Variants in ZBTB8A observed in about 807,000 individuals in gnomAD.
The protein encoded by ZBTB8A is zinc finger and BTB domain containing 8A.
ZBTB8A carries 19 observed loss-of-function variants against 37.8 expected under a neutral mutation model. The observed-to-expected ratio is 0.50, with a 90% CI of 0.35 to 0.74. The LOEUF (loss-of-function observed/expected upper bound fraction) is 0.74. ZBTB8A is among the 30% of genes least tolerant of loss of function. The pLI is 0.01. For synonymous variants in ZBTB8A, 181 were observed against 185.2 expected (o/e 0.98, Z 0.19); for missense variants, 394 against 537.8 (o/e 0.73, Z 2.65).
chr1:32,550,802 C>G (rs1281566838), intron 1 of ZBTB8A, among the ~76,000 whole-genome samples: 1 of 151,636 alleles, frequency 6.6e-6, no homozygotes, highest in Non-Finnish European at 1.5e-5. Flanking sequence ...ACTAAAAATA[C>G]AAAAATTAGG....
chr1:32,565,721 T>C (rs547988411), intron 2 of ZBTB8A, among the ~76,000 whole-genome samples: 1 of 152,282 alleles, frequency 6.6e-6, no homozygotes, highest in Non-Finnish European at 1.5e-5. Flanking sequence ...TTCCCTTTAG[T>C]CCTATATTTT....
chr1:32,560,903 G>A (rs1385919851), intron 2 of ZBTB8A, among the ~76,000 whole-genome samples: 2 of 151,994 alleles, frequency 1.3e-5, no homozygotes, highest in Non-Finnish European at 2.9e-5. Flanking sequence ...TGGGATTACA[G>A]GCATGAGCCA....
At position 32,600,291 on chromosome 1, in the gene ZBTB8A, C is replaced by A. The variant is rs771174263; in HGVS notation, c.1198C>A (p.His400Asn). 1.2e-6 allele frequency: 2 copies of A among 1,614,002 alleles called. No homozygotes were observed. The highest frequency in any genetic ancestry group is 2.7e-5 in the African/African-American group (2 of 74,914). Residue 400 changes from histidine to asparagine, a missense_variant, in exon 5 of 5, where the codon CAC (histidine) becomes AAC (asparagine). Around this residue, in one of 4 missense-constraint regions of ZBTB8A, gnomAD observed 85 missense variants for 89.0 expected, o/e 0.95. Coordinates refer to ENST00000373510, the MANE Select transcript of ZBTB8A (RefSeq NM_001040441.3). ...PSDGDKDSRW[H>N]LSEDENRSYV... ...AGATGGAGATAAGGATTCCAGATGG[C>A]ACTTGAGTGAAGATGAGAATAGATC...
In ZBTB8A at chr1:32,600,570, C is replaced by G. The variant is rs1371980193; in HGVS notation, c.*151C>G. 4 of 632,930 alleles carry G rather than the reference C, an allele frequency of 6.3e-6. No individual in the cohort carries two copies. The highest frequency in any genetic ancestry group is 1.8e-5 in the African/African-American group (1 of 54,450). 39.2% of individuals were successfully genotyped at this position (632,930 alleles called of 1,614,324 possible). A position where few individuals can be genotyped will look rare whatever the true frequency, so the allele number is the denominator to read the frequency against. On this transcript the variant is annotated 3_prime_UTR_variant, in exon 5 of 5. Coordinates refer to ENST00000373510, the MANE Select transcript of ZBTB8A (RefSeq NM_001040441.3). The stretch of plus-strand genomic sequence containing the variant: ...TAACTTGCATGCTTTCTGAACAGGC[C>G]ATTGTATCCATTCTGAACTTTGTTG...
chr1:32,555,057 G>A (rs1334180751), intron 2 of ZBTB8A, among the ~76,000 whole-genome samples: 13 of 152,174 alleles, frequency 8.5e-5, no homozygotes, highest in Non-Finnish European at 1.9e-4. Flanking sequence ...TGGCGTCACT[G>A]TCTGGGTTAA....
At chr1:32,573,738 C>CTTTTTTTTTTTTTTTTTT (rs753573244) in intron 2 of ZBTB8A, among the ~76,000 whole-genome samples, 1 of 95,030 alleles carries the variant, frequency 1.1e-5, no homozygotes, top group African/African-American at 4.2e-5. Flanking sequence ...CCAGCTAAAA[C>CTTTTTTTTTTTTTTTTTT]TTTTTTTTTT....
intron 2 of ZBTB8A, among the ~76,000 whole-genome samples, chr1:32,576,328 TC>T (rs1315488977): frequency 6.6e-6 from 1 of 152,232 alleles, no homozygotes; most frequent in Non-Finnish European, 1.5e-5. Flanking sequence ...TTTCTGTTTT[TC>T]CCTTTTTCTT....
intron 1 of ZBTB8A, among the ~76,000 whole-genome samples, chr1:32,552,358 T>A (rs533450978): frequency 3.9e-4 from 60 of 151,988 alleles, no homozygotes; most frequent in African/African-American, 1.4e-3. Context: ...AGTGAGACTG[T>A]CTCAAAAAAT....
intron 2 of ZBTB8A, among the ~76,000 whole-genome samples, chr1:32,554,124 C>T (rs1169766320): frequency 8.8e-5 from 13 of 147,442 alleles, no homozygotes; most frequent in Admixed American, 1.4e-4. Flanking sequence ...CACTTCAATC[C>T]GGGCAGCGGA....
At chr1:32,564,815 C>A (rs2148227510) in intron 2 of ZBTB8A, among the ~76,000 whole-genome samples, 1 of 152,118 alleles carries the variant, frequency 6.6e-6, no homozygotes, top group African/African-American at 2.4e-5. Context: ...TGTAGTATAT[C>A]ATTTAACTGC....
At chr1:32,580,086 C>A (rs1644391779) in intron 2 of ZBTB8A, among the ~76,000 whole-genome samples, 1 of 152,064 alleles carries the variant, frequency 6.6e-6, no homozygotes, top group Non-Finnish European at 1.5e-5. Context: ...GGAGGCCGGG[C>A]ATGGTGGCTC....
In ZBTB8A at chr1:32,595,033, A is replaced by G. The variant is rs1356884789; in HGVS notation, c.824-21A>G. ...ATTGTTATGAACTTTCCAGTGATTTAATCAAAGCGTCTCTTGACAGATGAT... is the reference window on the plus strand; with the variant it reads ...ATTGTTATGAACTTTCCAGTGATTTGATCAAAGCGTCTCTTGACAGATGAT... On this transcript the variant is annotated intron_variant, in intron 3 of 4. Coordinates refer to ENST00000373510, the MANE Select transcript of ZBTB8A (RefSeq NM_001040441.3). 4 of 1,601,258 alleles carry G rather than the reference A, an allele frequency of 2.5e-6. No homozygotes were observed. The African/African-American group carries it at 5.4e-5, about 21-fold the overall frequency.
chr1:32,587,557 G>A (rs1644458864), intron 2 of ZBTB8A, among the ~76,000 whole-genome samples: 1 of 152,048 alleles, frequency 6.6e-6, no homozygotes, highest in South Asian at 2.1e-4. Context: ...AAGGCAGGAG[G>A]ATCGTTTGAG....
In ZBTB8A at chr1:32,544,965, G is replaced by A. The variant is rs139326683; in HGVS notation, c.-84+5393G>A. 2.2e-4 allele frequency among the ~76,000 whole-genome samples: 34 copies of A among 152,118 alleles called. No individual in the cohort carries two copies. The East Asian group carries it at 5.8e-3, about 26-fold the overall frequency. ...GCAAATAATGCTATTATAAACATTCGTGTATCAGTTTCTGTGTAGACGTAT... is the reference window on the plus strand; with the variant it reads ...GCAAATAATGCTATTATAAACATTCATGTATCAGTTTCTGTGTAGACGTAT... On this transcript the variant is annotated intron_variant, in intron 1 of 4. Transcript: ENST00000373510.
At position 32,545,121 on chromosome 1, in the gene ZBTB8A, A is replaced by C. The variant is rs112710532; in HGVS notation, c.-84+5549A>C. On this transcript the variant is annotated intron_variant, in intron 1 of 4. Coordinates refer to ENST00000373510, the MANE Select transcript of ZBTB8A (RefSeq NM_001040441.3). ...TGTACCATTTTATATTTCCACCAGC[A>C]GTGTGTGAAGGTTCTTACTTATCTA... 2.4e-3 allele frequency among the ~76,000 whole-genome samples: 360 copies of C among 152,260 alleles called. 2 individuals carry two copies. Among genetic ancestry groups the C allele is most frequent in the African/African-American group, 8.2e-3 (341 of 41,552 alleles).
Position 32,593,512 on chromosome 1 carries a change from A to G in ZBTB8A, c.581A>G (p.Gln194Arg), listed in dbSNP as rs1394065679. 7 of 1,614,058 alleles carry G rather than the reference A, an allele frequency of 4.3e-6. No individual in the cohort carries two copies. Among genetic ancestry groups the G allele is most frequent in the Admixed American group, 1.7e-5 (1 of 59,996 alleles). ...CATCCAGCCTCCCAGAAGAATACTCAACAACCCTTGGCCAAGCATGAACCA... is the reference window on the plus strand; with the variant it reads ...CATCCAGCCTCCCAGAAGAATACTCGACAACCCTTGGCCAAGCATGAACCA... ...NYHPASQKNTQQPLAKHEPRK... is the reference protein window; with the variant it reads ...NYHPASQKNTRQPLAKHEPRK... Residue 194 changes from glutamine (Q) to arginine (R), a missense_variant, in exon 3 of 5, where the codon CAA becomes CGA. Around this residue, in one of 4 missense-constraint regions of ZBTB8A, gnomAD observed 171 missense variants for 186.8 expected, o/e 0.92. Transcript: ENST00000373510.
At chr1:32,581,496 C>T (rs1008370835) in intron 2 of ZBTB8A, among the ~76,000 whole-genome samples, 8 of 150,570 alleles carry the variant, frequency 5.3e-5, no homozygotes, top group East Asian at 2.0e-4. Context: ...GGATTACAGG[C>T]GCACGCCAAC....
intron 2 of ZBTB8A, among the ~76,000 whole-genome samples, chr1:32,556,855 G>A (rs939418762): frequency 3.3e-5 from 5 of 151,032 alleles, no homozygotes; most frequent in African/African-American, 9.7e-5. Flanking sequence ...TCAGTCTGGG[G>A]ACAGAGCAAG....
chr1:32,563,450 T>C (rs1247649613), intron 2 of ZBTB8A, among the ~76,000 whole-genome samples: 1 of 152,026 alleles, frequency 6.6e-6, no homozygotes, highest in Non-Finnish European at 1.5e-5. Context: ...ACACCTTCTT[T>C]TTCTTTTTCT....
Sources: gnomAD v4.1 joint callset for allele counts (sites outside exome capture counted in the v4.1 genomes callset) on GRCh38, gnomAD v4.1.1 for gene constraint, gnomAD v4.1.1 regional missense constraint, MANE v1.5 for transcripts, NCBI Gene and HGNC (gene_info 2026-07-23, HGNC 2026-07-21) for gene names.